The following TMEM143 variants were observed in gnomAD, a reference collection of about 807,000 sequenced individuals.
TMEM143 encodes the protein transmembrane protein 143.
TMEM143 carries 45 observed loss-of-function variants against 40.3 expected under a neutral mutation model. The ratio of observed to expected loss-of-function variants is 1.12; its 90% CI spans 0.88 to 1.43. TMEM143 has a LOEUF of 1.43. Among genes scored for constraint, TMEM143 ranks in the 40% most tolerant of loss-of-function variants. TMEM143 has a pLI of 0.00. For missense variants in TMEM143, 620 were observed against 613.4 expected (o/e 1.01, Z -0.11); for synonymous variants, 299 against 282.7 (o/e 1.06, Z -0.58).
At chr19:48,342,222 G>A (rs1347574588) in intron 6 of TMEM143, among the ~76,000 whole-genome samples, 1 of 138,220 alleles carries the variant, frequency 7.2e-6, no homozygotes, top group Non-Finnish European at 1.6e-5. Context: ...AAGAAGGAAG[G>A]GAAGGGAAAG....
chr19:48,344,239 T>TC (rs112510711), intron 4 of TMEM143, among the ~76,000 whole-genome samples: 2,140 of 151,596 alleles, frequency 0.014, 24 homozygotes, highest in Middle Eastern at 0.13. Context: ...TTTAGGGGCT[T>TC]GGTTTTTTTT....
Position 48,342,664 on chromosome 19 carries a change from G to A in TMEM143, c.841C>T (p.Leu281Phe), listed in dbSNP as rs768907733. 2.5e-5 allele frequency: 40 copies of A among 1,614,012 alleles called. No homozygotes were observed. The highest frequency in any genetic ancestry group is 3.3e-5 in the Admixed American group (2 of 60,008). Residue 281 changes from leucine (L) to phenylalanine (F), a missense_variant, in exon 6 of 8, where the codon CTC (leucine) becomes TTC (phenylalanine). Coordinates refer to ENST00000293261, the MANE Select transcript of TMEM143 (RefSeq NM_018273.4). ...CCGGAGACTACCAGCATGAGGTTGA[G>A]CAGGGCGCGCTGCAGGGTGGGCGTG... is the stretch of plus-strand genomic sequence containing the variant. Reference protein sequence around the residue: ...VRTPTLQRALLNLMLVVSGVA... With the variant: ...VRTPTLQRALFNLMLVVSGVA...
At chr19:48,340,583 G>C (rs1969466930) in intron 6 of TMEM143, among the ~76,000 whole-genome samples, 1 of 152,104 alleles carries the variant, frequency 6.6e-6, no homozygotes, top group Non-Finnish European at 1.5e-5. Flanking sequence ...GTTTGAAATA[G>C]GGTCTTTCAG....
intron 3 of TMEM143, among the ~76,000 whole-genome samples, chr19:48,350,093 C>T (rs1315829373): frequency 3.3e-5 from 5 of 150,994 alleles, no homozygotes; most frequent in Admixed American, 2.0e-4. Context: ...CTCCGCCTCC[C>T]GGGTTCAAGT....
chr19:48,339,949 G>A (rs1477665522), intron 6 of TMEM143, among the ~76,000 whole-genome samples: 1 of 151,490 alleles, frequency 6.6e-6, no homozygotes, highest in Non-Finnish European at 1.5e-5. Flanking sequence ...GGCTGGTCTC[G>A]AACTCCTGAC....
chr19:48,363,401 C>G lies in TMEM143; in HGVS notation c.154G>C (p.Gly52Arg), dbSNP rs773355797. The change falls in exon 2 of 8, where the codon GGG becomes CGG. Residue 52 changes from glycine to arginine, a missense_variant. Physicochemically the swap from Gly to Arg is moderately radical, Grantham distance 125. Transcript: ENST00000293261. ...GGGTTCCACATCTTGCGATACTCCC[C>G]CATTTTGGCTGCCAGCGATGAGAGG... ...RALSSLAAKMGEYRKMWNPRE... is the reference protein window; with the variant it reads ...RALSSLAAKMREYRKMWNPRE... 12 of 1,614,224 alleles carry G rather than the reference C, an allele frequency of 7.4e-6. No individual in the cohort carries two copies. The Admixed American group carries it at 1.8e-4, about 25-fold the overall frequency.
intron 6 of TMEM143, among the ~76,000 whole-genome samples, chr19:48,338,153 C>G (rs1969413311): frequency 6.6e-6 from 1 of 152,162 alleles, no homozygotes; most frequent in Non-Finnish European, 1.5e-5. Context: ...CTTGCTCCCC[C>G]TTCGCCAACC....
At position 48,334,052 on chromosome 19, in the gene TMEM143, C is replaced by G; in HGVS notation, c.1121G>C (p.Ser374Thr). Residue 374 changes from serine (S) to threonine (T), a missense_variant, in exon 7 of 8, where the codon AGC becomes ACC. Transcript: ENST00000293261. ...EHTKEALLAH[S>T]FLARRPGGTQ... The stretch of plus-strand genomic sequence containing the variant: ...GCCCCCTGGCCGCCGGGCCAGGAAG[C>G]TGTGAGCCAGCAGCGCCTCCTTGGT... 6.3e-7 allele frequency: 1 copy of G among 1,577,160 alleles called. No individual in the cohort carries two copies. The highest frequency in any genetic ancestry group is 1.1e-5 in the South Asian group (1 of 87,166).
At chr19:48,357,253 G>A (rs1471815886) in intron 3 of TMEM143, among the ~76,000 whole-genome samples, 5 of 151,558 alleles carry the variant, frequency 3.3e-5, no homozygotes, top group Admixed American at 2.6e-4. Context: ...CACCGCGCCC[G>A]GCAGTACTAC....
At chr19:48,357,879 A>G (rs1054557094) in intron 3 of TMEM143, among the ~76,000 whole-genome samples, 7 of 147,596 alleles carry the variant, frequency 4.7e-5, no homozygotes, top group African/African-American at 1.5e-4. Context: ...TAAGTAAGCT[A>G]TGAGGGTGCG....
At position 48,343,996 on chromosome 19, in the gene TMEM143, C is replaced by T. The variant is rs756287552; in HGVS notation, c.565-545G>A. On this transcript the variant is annotated intron_variant, in intron 4 of 7. Coordinates refer to ENST00000293261, the MANE Select transcript of TMEM143 (RefSeq NM_018273.4). ...CCACCTCCTGGGTCCAAGTGATTCT[C>T]GTGCCTCAGCCTCCCAAGTAGCTGG... Among the ~76,000 whole-genome samples, 55 of 152,040 alleles carry T rather than the reference C, an allele frequency of 3.6e-4. 1 individual carries two copies. The highest frequency in any genetic ancestry group is 2.6e-4 in the Non-Finnish European group (18 of 68,014).
rs1325101933 is a variant in TMEM143 at position 48,335,255 on chromosome 19, T to G, written c.976-1058A>C. Among the ~76,000 whole-genome samples the G allele has an allele frequency of 2.0e-5, 3 of 152,162 alleles. 1 individual carries two copies. The East Asian group carries it at 5.8e-4, about 29-fold the overall frequency. On this transcript the variant is annotated intron_variant, in intron 6 of 7. Transcript: ENST00000293261. ...CCTATTTCTGTGTTTGTTTGAACTT[T>G]TCTATAATGAAGGAAAAAATGGTTT... is the stretch of plus-strand genomic sequence containing the variant.
At position 48,363,542 on chromosome 19, in the gene TMEM143, G is replaced by GA; in HGVS notation, c.24-12dup. The GA allele has an allele frequency of 6.3e-7, 1 of 1,591,682 alleles. No homozygotes were observed. Among genetic ancestry groups the GA allele is most frequent in the Non-Finnish European group, 8.6e-7 (1 of 1,167,872 alleles). ...CCCTTTCCCCGGAGCCTAAACAGAG[G>GA]AAAATGGGCAGGGGTCAAAGGCCAT... On this transcript the variant is annotated splice_polypyrimidine_tract_variant and intron_variant, in intron 1 of 7. Coordinates refer to ENST00000293261, the MANE Select transcript of TMEM143 (RefSeq NM_018273.4).
chr19:48,333,411 C>T lies in TMEM143; in HGVS notation c.1188G>A (p.Ser396=), dbSNP rs1170595009. ...SPEETSRWLR[S]EVENWLLAKS... ...TGGCTAGGAGCCAGTTCTCCACCTCCGACCGGAGCCACCTGGAGGTCTCTG... is the reference window on the plus strand; with the variant it reads ...TGGCTAGGAGCCAGTTCTCCACCTCTGACCGGAGCCACCTGGAGGTCTCTG... The change falls in exon 8 of 8, where the codon TCG becomes TCA. Residue 396 remains serine, a synonymous_variant. Transcript: ENST00000293261. This position sits in a 1 kb window ranked among gnomAD's most constrained non-coding sequence, Gnocchi z 4.1. 4 of 1,600,458 alleles carry T rather than the reference C, an allele frequency of 2.5e-6. No homozygotes were observed. The African/African-American group carries it at 4.0e-5, about 16-fold the overall frequency.
At chr19:48,359,802 C>T (rs1292457166) in intron 3 of TMEM143, 4 of 352,678 alleles carry the variant, frequency 1.1e-5, no homozygotes, top group South Asian at 3.4e-5. Context: ...CCACCGCGCC[C>T]GACCCATCTC....
At chr19:48,356,966 G>A (rs1452640953) in intron 3 of TMEM143, among the ~76,000 whole-genome samples, 4 of 127,902 alleles carry the variant, frequency 3.1e-5, no homozygotes, top group African/African-American at 6.0e-5. Context: ...GTGCAGTGGC[G>A]CGATCTCGGT....
At position 48,349,578 on chromosome 19, in the gene TMEM143, G is replaced by A. The variant is rs551136031; in HGVS notation, c.370-4224C>T. On this transcript the variant is annotated intron_variant, in intron 3 of 7. Coordinates refer to ENST00000293261, the MANE Select transcript of TMEM143 (RefSeq NM_018273.4). ...GGGAATCACTTGAACCCTGGAGGTG[G>A]AGGTTGCAGTAAGCTGAGATCGCAC... is the stretch of plus-strand genomic sequence containing the variant. Among the ~76,000 whole-genome samples, 495 of 152,032 alleles carry A rather than the reference G, an allele frequency of 3.3e-3. 9 individuals are homozygous for A. Among genetic ancestry groups the A allele is most frequent in the Non-Finnish European group, 7.9e-4 (54 of 67,968 alleles).
chr19:48,356,596 ATT>A (rs36077135), intron 3 of TMEM143, among the ~76,000 whole-genome samples: 13 of 135,888 alleles, frequency 9.6e-5, no homozygotes, highest in African/African-American at 1.1e-4. Flanking sequence ...GGCCCAGGTA[ATT>A]TTTTTTTTTT....
At chr19:48,350,088 C>T (rs1214755012) in intron 3 of TMEM143, among the ~76,000 whole-genome samples, 1 of 150,150 alleles carries the variant, frequency 6.7e-6, no homozygotes, top group African/African-American at 2.5e-5. Context: ...GCAACCTCCG[C>T]CTCCCGGGTT....
Sources: allele counts gnomAD v4.1 joint callset (sites outside exome capture counted in the v4.1 genomes callset), GRCh38; gene constraint gnomAD v4.1.1; non-coding constraint Gnocchi (gnomAD v3.1); transcripts MANE v1.5; gene names NCBI Gene and HGNC (gene_info 2026-07-23, HGNC 2026-07-21).